Variants in MAK observed in about 807,000 individuals in gnomAD.
The protein encoded by MAK is male germ cell associated kinase.
In MAK, 65 loss-of-function variants were observed where a neutral mutation model predicts 82.6. The ratio of observed to expected loss-of-function variants is 0.79; its 90% CI spans 0.64 to 0.97. The LOEUF is 0.97. Among genes scored for constraint, MAK ranks in the 50% least tolerant of loss-of-function variants. The pLI, the probability that MAK is intolerant of heterozygous loss-of-function variation, is 0.00. For missense variants in MAK, 703 were observed against 780.2 expected (o/e 0.90, Z 1.18); for synonymous variants, 250 against 274.2 (o/e 0.91, Z 0.87).
intron 11 of MAK, among the ~76,000 whole-genome samples, chr6:10,783,737 T>C (rs550836177): frequency 1.3e-5 from 2 of 152,150 alleles, no homozygotes; most frequent in African/African-American, 4.8e-5. Context: ...ATACACCAGA[T>C]TGGCTGGGCA....
chr6:10,795,310 T>A lies in MAK; in HGVS notation c.1143+688A>T, dbSNP rs184187212. The stretch of plus-strand genomic sequence containing the variant: ...TACAAAAATTAGCTGGGTGTGGTGG[T>A]GGGTGCCTATAATCCCAGCCACTCA... On this transcript the variant is annotated intron_variant, in intron 9 of 14. Transcript: ENST00000354489. 7.2e-3 allele frequency among the ~76,000 whole-genome samples: 1,078 copies of A among 150,688 alleles called. 6 individuals carry two copies. Among genetic ancestry groups the A allele is most frequent in the Non-Finnish European group, 0.012 (837 of 67,752 alleles).
In MAK at chr6:10,763,110, G is replaced by A. The variant is rs989218944; in HGVS notation, c.*1342C>T. ...AACAGAGTAGCCCAAAGTTCGAAGT[G>A]TCTATTTAAAATACCAGTTTGGAAA... On this transcript the variant is annotated 3_prime_UTR_variant, in exon 15 of 15. Coordinates refer to ENST00000354489, the MANE Select transcript of MAK (RefSeq NM_001242957.3). 2.0e-5 allele frequency: 3 copies of A among 152,614 alleles called. No homozygotes were observed. Among genetic ancestry groups the A allele is most frequent in the African/African-American group, 7.2e-5 (3 of 41,442 alleles). The allele number at this position is 152,614 out of a possible 1,614,324, so 9.5% of individuals were successfully genotyped here. A position where few individuals can be genotyped will look rare whatever the true frequency, so the allele number is the denominator to read the frequency against.
intron 9 of MAK, 43 bp from the exon 10 acceptor site, chr6:10,791,890 GA>G: frequency 6.3e-7 from 1 of 1,598,216 alleles, no homozygotes. Flanking sequence ...ATCATGTACT[GA>G]ATGCCTTTCA....
At chr6:10,801,228 A>C (rs1259533953) in intron 8 of MAK, among the ~76,000 whole-genome samples, 1 of 152,244 alleles carries the variant, frequency 6.6e-6, no homozygotes, top group Non-Finnish European at 1.5e-5. Context: ...AATTTTAAAA[A>C]AAGCAAAATA....
At chr6:10,794,731 G>A (rs949385758) in intron 9 of MAK, among the ~76,000 whole-genome samples, 1 of 152,184 alleles carries the variant, frequency 6.6e-6, no homozygotes, top group Non-Finnish European at 1.5e-5. Context: ...GGTGGCTCAG[G>A]CCTGTAATCC....
intron 5 of MAK, among the ~76,000 whole-genome samples, chr6:10,813,126 ATATATATAAATTTTTTTTTTT>A (rs1777155621): frequency 2.9e-3 from 2 of 682 alleles, no homozygotes; most frequent in African/African-American, 8.5e-3. Context: ...ATATATATAT[ATATATATAAATTTTTTTTTTT>A]TTTTTTTTTT....
intron 9 of MAK, among the ~76,000 whole-genome samples, chr6:10,795,319 A>C (rs1448484057): frequency 6.6e-6 from 1 of 150,826 alleles, no homozygotes; most frequent in Non-Finnish European, 1.5e-5. Flanking sequence ...GTGGGTGCCT[A>C]TAATCCCAGC....
intron 13 of MAK, 37 bp downstream of exon 13, chr6:10,772,997 A>C (rs1333564216): frequency 1.5e-6 from 2 of 1,353,922 alleles, no homozygotes; most frequent in Admixed American, 3.9e-5. Flanking sequence ...AAGAGATTCA[A>C]AGAACAAACT....
intron 2 of MAK, among the ~76,000 whole-genome samples, chr6:10,827,075 C>T (rs1372154683): frequency 2.6e-5 from 4 of 152,164 alleles, no homozygotes; most frequent in Non-Finnish European, 5.9e-5. Context: ...CGCGCCACTG[C>T]ACTCCAGCCT....
rs766869339 is a variant in MAK at position 10,764,428 on chromosome 6, TGTAG to T, written c.*20_*23del. 3.3e-5 allele frequency: 53 copies of T among 1,612,134 alleles called. No individual in the cohort carries two copies. In the South Asian group the frequency reaches 5.7e-4, roughly 17 times the overall value. ...TTGCACGTACTCTACGGAGCAATGC[TGTAG>T]GGTTTCACACCATAGACTCCTACCG... On this transcript the variant is annotated 3_prime_UTR_variant, in exon 15 of 15. Transcript: ENST00000354489.
chr6:10,782,782 TG>T (rs1424223432), intron 11 of MAK, among the ~76,000 whole-genome samples: 1 of 152,098 alleles, frequency 6.6e-6, no homozygotes, highest in Non-Finnish European at 1.5e-5. Context: ...TTCACCATGT[TG>T]GTCAGGCTGG....
At chr6:10,783,567 C>G (rs1581668263) in intron 11 of MAK, among the ~76,000 whole-genome samples, 1 of 152,208 alleles carries the variant, frequency 6.6e-6, no homozygotes, top group South Asian at 2.1e-4. Context: ...CAAAACATGT[C>G]TAGGTTTTGC....
rs1053859434 is a variant in MAK at position 10,819,883 on chromosome 6, C to T, written c.102-943G>A. Among the ~76,000 whole-genome samples the T allele has an allele frequency of 5.9e-5, 9 of 151,998 alleles. No homozygotes were observed. The East Asian group carries it at 1.2e-3, about 20-fold the overall frequency. ...AGCCCAGCACTTTGGGAGGCGGAGG[C>T]GGGTGGATCATGAGGTCAGGAGATC... is the stretch of plus-strand genomic sequence containing the variant. On this transcript the variant is annotated intron_variant, in intron 2 of 14. Coordinates refer to ENST00000354489, the MANE Select transcript of MAK (RefSeq NM_001242957.3).
intron 1 of MAK, among the ~76,000 whole-genome samples, chr6:10,836,102 G>A (rs1346515573): frequency 6.6e-6 from 1 of 152,226 alleles, no homozygotes; most frequent in East Asian, 1.9e-4. Context: ...ACGGATGATG[G>A]CTATAGGATA....
At chr6:10,822,464 A>C (rs1433856864) in intron 2 of MAK, among the ~76,000 whole-genome samples, 1 of 152,134 alleles carries the variant, frequency 6.6e-6, no homozygotes, top group East Asian at 1.9e-4. Context: ...CAAAAAAAAA[A>C]AAAATCTGTA....
chr6:10,821,702 G>T (rs2127580550), intron 2 of MAK, among the ~76,000 whole-genome samples: 1 of 152,298 alleles, frequency 6.6e-6, no homozygotes, highest in South Asian at 2.1e-4. Context: ...TGGCATGCTG[G>T]TGTGCGCCTG....
At chr6:10,823,957 T>G (rs967733338) in intron 2 of MAK, among the ~76,000 whole-genome samples, 2 of 151,534 alleles carry the variant, frequency 1.3e-5, no homozygotes, top group African/African-American at 4.8e-5. Flanking sequence ...AAGCAAAAGA[T>G]TGATAGGATA....
chr6:10,802,945 C>T (rs1397327317), intron 7 of MAK, among the ~76,000 whole-genome samples: 9 of 151,562 alleles, frequency 5.9e-5, no homozygotes, highest in Non-Finnish European at 1.3e-4. Context: ...GAAAAGCACT[C>T]AGTTCAAGAA....
At chr6:10,786,170 G>T (rs190947863) in intron 10 of MAK, among the ~76,000 whole-genome samples, 1 of 152,144 alleles carries the variant, frequency 6.6e-6, no homozygotes, top group Non-Finnish European at 1.5e-5. Context: ...ACTTGAACCC[G>T]GGAGGCAGAG....
Sources: gnomAD v4.1 joint callset for allele counts (sites outside exome capture counted in the v4.1 genomes callset) on GRCh38, gnomAD v4.1.1 for gene constraint, MANE v1.5 for transcripts, NCBI Gene and HGNC (gene_info 2026-07-23, HGNC 2026-07-21) for gene names.